The following PTPRD variants were observed in gnomAD, a reference collection of about 807,000 sequenced individuals.
The protein encoded by PTPRD is protein tyrosine phosphatase receptor type D.
A neutral mutation model predicts 214.5 loss-of-function variants in PTPRD; 34 were observed. The ratio of observed to expected loss-of-function variants is 0.16; its 90% CI spans 0.12 to 0.21. PTPRD has a LOEUF of 0.21. Ranked by LOEUF, PTPRD falls within the 10% of genes least tolerant of loss-of-function variation. The pLI is 1.00. For missense variants in PTPRD, 2,545 were observed against 2,398.7 expected, an observed-to-expected ratio of 1.06 and a Z score of -1.27; for synonymous variants, 1,128 against 845.7, an observed-to-expected ratio of 1.33 and a Z score of -5.79.
At chr9:9,617,367 T>G (rs534819534) in intron 7 of PTPRD, among the ~76,000 whole-genome samples, 1 of 152,284 alleles carries the variant, frequency 6.6e-6, no homozygotes, top group South Asian at 2.1e-4. Context: ...AAGAGCTGAT[T>G]GTACTACTGG....
intron 7 of PTPRD, among the ~76,000 whole-genome samples, chr9:9,711,537 A>T (rs916572693): frequency 6.6e-6 from 1 of 152,204 alleles, no homozygotes; most frequent in Admixed American, 6.5e-5. Flanking sequence ...TGTTTTAATG[A>T]TAAATTCTCA....
At position 9,327,985 on chromosome 9, in the gene PTPRD, G is replaced by A. The variant is rs113655370; in HGVS notation, c.-203+69464C>T. The stretch of plus-strand genomic sequence containing the variant: ...TTTGTTTTGGGCAGCATTCAAAGCC[G>A]TCCTGGGCCCATACAGCCCACGGGC... On this transcript the variant is annotated intron_variant, in intron 9 of 45. Coordinates refer to ENST00000381196, the MANE Select transcript of PTPRD (RefSeq NM_002839.4). Among the ~76,000 whole-genome samples the A allele has an allele frequency of 3.2e-3, 488 of 151,860 alleles. 2 individuals are homozygous for A. Among genetic ancestry groups the A allele is most frequent in the Non-Finnish European group, 4.7e-3 (317 of 67,972 alleles).
chr9:8,490,800 T>C (rs1218606032), intron 27 of PTPRD, among the ~76,000 whole-genome samples: 2 of 152,192 alleles, frequency 1.3e-5, no homozygotes, highest in South Asian at 2.1e-4. Flanking sequence ...TCTTTACAGG[T>C]TGTAGAAACA....
chr9:8,941,106 C>CT (rs1567141376), intron 11 of PTPRD, among the ~76,000 whole-genome samples: 1 of 152,126 alleles, frequency 6.6e-6, no homozygotes, highest in Non-Finnish European at 1.5e-5. Flanking sequence ...GACCCTCCCA[C>CT]CAAGTCAGGT....
Position 10,494,550 on chromosome 9 carries a change from A to G in PTPRD, c.-600+117848T>C, listed in dbSNP as rs575463794. Among the ~76,000 whole-genome samples the G allele has an allele frequency of 3.3e-5, 5 of 151,382 alleles. No homozygotes were observed. The East Asian group carries it at 9.7e-4, about 29-fold the overall frequency. On this transcript the variant is annotated intron_variant, in intron 2 of 45. Transcript: ENST00000381196. ...ACTTGATTAAGATGGTTTAAATTCCAGCATTATAATTTTTTTGTTTTGTTT... is the reference window on the plus strand; with the variant it reads ...ACTTGATTAAGATGGTTTAAATTCCGGCATTATAATTTTTTTGTTTTGTTT...
intron 11 of PTPRD, among the ~76,000 whole-genome samples, chr9:8,894,793 T>C (rs2098594032): frequency 6.6e-6 from 1 of 152,166 alleles, no homozygotes; most frequent in East Asian, 1.9e-4. Flanking sequence ...GTTGTTTTTA[T>C]GATATGTCCT....
intron 5 of PTPRD, among the ~76,000 whole-genome samples, chr9:9,832,862 T>C (rs1334119324): frequency 6.6e-6 from 1 of 150,514 alleles, no homozygotes; most frequent in Non-Finnish European, 1.5e-5. Context: ...TTGTAGGAAT[T>C]CAATTAAAGA....
At chr9:8,638,161 C>T (rs892870805) in intron 12 of PTPRD, among the ~76,000 whole-genome samples, 1 of 145,446 alleles carries the variant, frequency 6.9e-6, no homozygotes, top group Admixed American at 6.9e-5. Flanking sequence ...TTCTCTCCTA[C>T]TGTGTTCTAC....
chr9:9,284,561 T>C (rs1230383459), intron 9 of PTPRD, among the ~76,000 whole-genome samples: 1 of 151,718 alleles, frequency 6.6e-6, no homozygotes, highest in Non-Finnish European at 1.5e-5. Context: ...TCTTGGTCAA[T>C]CATTTCTCCA....
intron 2 of PTPRD, among the ~76,000 whole-genome samples, chr9:10,372,412 T>C (rs1372299468): frequency 2.0e-5 from 3 of 152,124 alleles, no homozygotes; most frequent in Non-Finnish European, 4.4e-5. Context: ...ATTTTTGTCA[T>C]GTAATTCAGG....
intron 39 of PTPRD, among the ~76,000 whole-genome samples, chr9:8,363,603 C>T (rs1444499314): frequency 6.6e-6 from 1 of 152,190 alleles, no homozygotes; most frequent in Non-Finnish European, 1.5e-5. Flanking sequence ...CTCTTCTCAT[C>T]CAGTCCTGTG....
chr9:8,945,429 T>TAAG (rs1230954128), intron 11 of PTPRD, among the ~76,000 whole-genome samples: 8 of 152,114 alleles, frequency 5.3e-5, no homozygotes, highest in Non-Finnish European at 8.8e-5. Flanking sequence ...TTTCAAATTC[T>TAAG]TTTCTTCCTC....
intron 11 of PTPRD, among the ~76,000 whole-genome samples, chr9:8,745,205 G>A (rs2092653600): frequency 6.6e-6 from 1 of 152,146 alleles, no homozygotes; most frequent in Non-Finnish European, 1.5e-5. Flanking sequence ...AGGACATAAT[G>A]GAATTAATAA....
At chr9:9,008,811 G>A (rs901005036) in intron 11 of PTPRD, among the ~76,000 whole-genome samples, 2 of 152,174 alleles carry the variant, frequency 1.3e-5, no homozygotes, top group Non-Finnish European at 2.9e-5. Flanking sequence ...AACTATTTTT[G>A]AGAACCCTTG....
chr9:8,906,435 C>T (rs1396933023), intron 11 of PTPRD, among the ~76,000 whole-genome samples: 1 of 152,112 alleles, frequency 6.6e-6, no homozygotes, highest in African/African-American at 2.4e-5. Flanking sequence ...TGATATAGTT[C>T]AGTTTTCTCA....
intron 7 of PTPRD, among the ~76,000 whole-genome samples, chr9:9,607,457 A>G (rs1392639145): frequency 6.6e-6 from 1 of 152,208 alleles, no homozygotes; most frequent in Admixed American, 6.5e-5. Flanking sequence ...TCTACAAATA[A>G]GGAAACTAGC....
intron 8 of PTPRD, among the ~76,000 whole-genome samples, chr9:9,509,264 G>T (rs1460914127): frequency 6.6e-6 from 1 of 151,372 alleles, no homozygotes; most frequent in Non-Finnish European, 1.5e-5. Flanking sequence ...GCACACTAAA[G>T]GTCATTTTTG....
At chr9:10,094,137 A>C (rs2098460088) in intron 3 of PTPRD, among the ~76,000 whole-genome samples, 1 of 151,452 alleles carries the variant, frequency 6.6e-6, no homozygotes, top group African/African-American at 2.4e-5. Flanking sequence ...AAGCTTCCAG[A>C]ATTGTAGGAT....
At chr9:8,876,919 CT>C (rs1182933354) in intron 11 of PTPRD, among the ~76,000 whole-genome samples, 5 of 151,488 alleles carry the variant, frequency 3.3e-5, no homozygotes, top group South Asian at 2.1e-4. Flanking sequence ...CCCTGTTTTT[CT>C]TTTTTCTTTT....
Sources: gnomAD v4.1 joint callset for allele counts (sites outside exome capture counted in the v4.1 genomes callset) on GRCh38, gnomAD v4.1.1 for gene constraint, MANE v1.5 for transcripts, NCBI Gene and HGNC (gene_info 2026-07-23, HGNC 2026-07-21) for gene names.